Variants in SLC24A2 observed in about 807,000 individuals in gnomAD.
SLC24A2 encodes the protein solute carrier family 24 member 2.
SLC24A2 carries 36 observed loss-of-function variants against 62.0 expected under a neutral mutation model. That is an observed-to-expected ratio of 0.58 (90% CI 0.44 to 0.77). The LOEUF (loss-of-function observed/expected upper bound fraction) is 0.77, where lower values mean the gene tolerates loss of function less well. SLC24A2 is among the 30% of genes least tolerant of loss of function. The probability of loss-of-function intolerance (pLI) is 0.00; values close to 1 mark genes in which losing one functional copy is unlikely to be tolerated. For missense variants in SLC24A2, 846 were observed against 817.9 expected (o/e 1.03, Z -0.42); for synonymous variants, 358 against 294.0 (o/e 1.22, Z -2.23).
At chr9:20,270,127 G>C in the SLC24A2 span, among the ~76,000 whole-genome samples, 3 of 152,132 alleles carry the variant, frequency 2.0e-5, no homozygotes, top group African/African-American at 7.2e-5. Flanking sequence ...ATCCAGTCTT[G>C]TCAGAGAGCG....
the SLC24A2 span, among the ~76,000 whole-genome samples, chr9:19,981,841 T>A: frequency 6.6e-6 from 1 of 152,132 alleles, no homozygotes; most frequent in African/African-American, 2.4e-5. Context: ...TGTCTATTAA[T>A]ATACATTTGC....
At chr9:19,743,732 G>A (rs568573640) in intron 2 of SLC24A2, among the ~76,000 whole-genome samples, 1 of 152,032 alleles carries the variant, frequency 6.6e-6, no homozygotes, top group Non-Finnish European at 1.5e-5. Context: ...TCAGGTCCTA[G>A]GGTTCTGTTT....
chr9:19,567,154 TAAAC>T (rs1033788510), intron 7 of SLC24A2, among the ~76,000 whole-genome samples: 1 of 140,476 alleles, frequency 7.1e-6, no homozygotes, highest in Non-Finnish European at 1.6e-5. Context: ...ATAAAAAAAA[TAAAC>T]CTAGAAAAGA....
intron 2 of SLC24A2, among the ~76,000 whole-genome samples, chr9:19,714,576 C>G (rs1385306681): frequency 1.3e-5 from 2 of 152,146 alleles, no homozygotes; most frequent in Non-Finnish European, 2.9e-5. Flanking sequence ...TACCTTTTCC[C>G]TTCACTATTT....
chr9:19,912,737 C>G, the SLC24A2 span, among the ~76,000 whole-genome samples: 3 of 152,150 alleles, frequency 2.0e-5, no homozygotes, highest in Non-Finnish European at 4.4e-5. Context: ...GTGGTGGATA[C>G]TATCCCATCA....
At chr9:19,844,946 G>T in the SLC24A2 span, among the ~76,000 whole-genome samples, 2 of 121,636 alleles carry the variant, frequency 1.6e-5, no homozygotes, top group South Asian at 5.9e-4. Flanking sequence ...GTTGGGTAAT[G>T]TAATGCCTCT....
At chr9:20,204,346 T>A in the SLC24A2 span, among the ~76,000 whole-genome samples, 1 of 152,224 alleles carries the variant, frequency 6.6e-6, no homozygotes, top group Non-Finnish European at 1.5e-5. Context: ...TGCCACGTCT[T>A]CTGCATAATT....
chr9:19,542,110 C>G (rs913505384), intron 8 of SLC24A2, among the ~76,000 whole-genome samples: 1 of 152,178 alleles, frequency 6.6e-6, no homozygotes, highest in Non-Finnish European at 1.5e-5. Flanking sequence ...CTGTCTGGCA[C>G]TCCCTAGTGA....
chr9:20,197,285 A>T, the SLC24A2 span, among the ~76,000 whole-genome samples: 1 of 152,182 alleles, frequency 6.6e-6, no homozygotes, highest in African/African-American at 2.4e-5. Flanking sequence ...ATCAATGTAT[A>T]TTCTCACAAT....
At chr9:19,810,933 T>C in the SLC24A2 span, among the ~76,000 whole-genome samples, 1 of 152,192 alleles carries the variant, frequency 6.6e-6, no homozygotes, top group Admixed American at 6.6e-5. Context: ...GGAACGTTTC[T>C]AACTGAAATG....
At chr9:19,751,059 C>T (rs17578953) in intron 2 of SLC24A2, among the ~76,000 whole-genome samples, 2,105 of 152,294 alleles carry the variant, frequency 0.014, 29 homozygotes, top group Middle Eastern at 0.031. Context: ...TTTATGCTGA[C>T]TGTGTTCGGT....
the SLC24A2 span, among the ~76,000 whole-genome samples, chr9:20,263,215 C>G: frequency 1.3e-5 from 2 of 152,238 alleles, no homozygotes; most frequent in Non-Finnish European, 2.9e-5. Flanking sequence ...TAACCAAGAC[C>G]TGGATGGAGG....
intron 8 of SLC24A2, among the ~76,000 whole-genome samples, chr9:19,528,475 A>G (rs1833538507): frequency 6.6e-6 from 1 of 152,040 alleles, no homozygotes; most frequent in Non-Finnish European, 1.5e-5. Context: ...CTTCAATATT[A>G]ACACCATATT....
At chr9:20,047,956 T>C in the SLC24A2 span, among the ~76,000 whole-genome samples, 5 of 152,110 alleles carry the variant, frequency 3.3e-5, no homozygotes, top group African/African-American at 1.2e-4. Flanking sequence ...GATAGGTTAG[T>C]AGTTAGGTTG....
the SLC24A2 span, among the ~76,000 whole-genome samples, chr9:19,991,990 T>G: frequency 6.6e-6 from 1 of 152,146 alleles, no homozygotes; most frequent in Admixed American, 6.5e-5. Flanking sequence ...GTCACCCAAG[T>G]TTTTAGACTG....
the SLC24A2 span, among the ~76,000 whole-genome samples, chr9:20,201,972 A>G: frequency 6.6e-6 from 1 of 152,164 alleles, no homozygotes; most frequent in African/African-American, 2.4e-5. Context: ...AAAGAAAGAA[A>G]AAAGGAAAAA....
intron 2 of SLC24A2, among the ~76,000 whole-genome samples, chr9:19,735,031 G>A (rs1281706303): frequency 6.6e-6 from 1 of 152,014 alleles, no homozygotes; most frequent in Non-Finnish European, 1.5e-5. Context: ...AAACTAAAGA[G>A]CTTCTGCACA....
chr9:19,907,051 G>C, the SLC24A2 span, among the ~76,000 whole-genome samples: 19 of 152,162 alleles, frequency 1.2e-4, no homozygotes, highest in Non-Finnish European at 2.5e-4. Flanking sequence ...CAATATCCCT[G>C]ATGAACATCG....
At chr9:20,023,261 T>C in the SLC24A2 span, among the ~76,000 whole-genome samples, 1 of 152,224 alleles carries the variant, frequency 6.6e-6, no homozygotes, top group African/African-American at 2.4e-5. Context: ...CAACAGAATG[T>C]AGTTAATAAG....
Sources: gnomAD v4.1 joint callset for allele counts (sites outside exome capture counted in the v4.1 genomes callset) on GRCh38, gnomAD v4.1.1 for gene constraint, MANE v1.5 for transcripts, NCBI Gene and HGNC (gene_info 2026-07-23, HGNC 2026-07-21) for gene names.